Variants in GABRB3 observed in about 807,000 individuals in gnomAD.
The protein encoded by GABRB3 is gamma-aminobutyric acid type A receptor subunit beta3, also known as gamma-aminobutyric acid receptor subunit beta-3.
In GABRB3, 14 loss-of-function variants were observed where a neutral mutation model predicts 52.1. The observed-to-expected ratio is 0.27, with a 90% CI of 0.18 to 0.42. The LOEUF (loss-of-function observed/expected upper bound fraction) is 0.42. Among genes scored for constraint, GABRB3 ranks in the 10% least tolerant of loss-of-function variants. The probability of loss-of-function intolerance (pLI) is 1.00; values close to 1 mark genes in which losing one functional copy is unlikely to be tolerated. For missense variants in GABRB3, 307 were observed against 609.1 expected, an observed-to-expected ratio of 0.50 and a Z score of 5.22; for synonymous variants, 260 against 232.3, an observed-to-expected ratio of 1.12 and a Z score of -1.08.
intron 4 of GABRB3, among the ~76,000 whole-genome samples, chr15:26,587,428 A>AAG (rs964282630): frequency 2.8e-4 from 42 of 152,158 alleles, no homozygotes; most frequent in Admixed American, 2.7e-3. Flanking sequence ...AAAAGGCAAA[A>AAG]AGAGAGAGAG....
At chr15:26,675,893 G>A (rs763433111) in intron 3 of GABRB3, among the ~76,000 whole-genome samples, 6 of 152,188 alleles carry the variant, frequency 3.9e-5, no homozygotes, top group Non-Finnish European at 8.8e-5. Context: ...GGTTCTGGTC[G>A]AAATGATTTC....
intron 3 of GABRB3, among the ~76,000 whole-genome samples, chr15:26,748,293 A>G (rs1275167215): frequency 2.6e-5 from 4 of 152,144 alleles, no homozygotes; most frequent in Non-Finnish European, 2.9e-5. Context: ...ACAGCTAGTA[A>G]TAATTCTTCT....
At chr15:26,756,003 G>C (rs1399333830) in intron 3 of GABRB3, among the ~76,000 whole-genome samples, 1 of 151,886 alleles carries the variant, frequency 6.6e-6, no homozygotes, top group African/African-American at 2.4e-5. Context: ...TAGCACAAGA[G>C]TATCTATAAT....
chr15:26,554,983 T>C (rs1026301377), intron 8 of GABRB3, among the ~76,000 whole-genome samples: 1 of 151,938 alleles, frequency 6.6e-6, no homozygotes, highest in Non-Finnish European at 1.5e-5. Flanking sequence ...ATCAAGATCA[T>C]CCTGGCCAAC....
chr15:26,713,319 G>A (rs1889363131), intron 3 of GABRB3, among the ~76,000 whole-genome samples: 1 of 152,196 alleles, frequency 6.6e-6, no homozygotes, highest in South Asian at 2.1e-4. Context: ...CATGGTGTGA[G>A]GCCGTCTGCT....
intron 3 of GABRB3, among the ~76,000 whole-genome samples, chr15:26,762,649 T>C (rs984052928): frequency 6.6e-6 from 1 of 152,250 alleles, no homozygotes; most frequent in Non-Finnish European, 1.5e-5. Context: ...ACCTATTTTA[T>C]GTGTTGGCCA....
At chr15:26,661,759 A>T (rs567856130) in intron 3 of GABRB3, among the ~76,000 whole-genome samples, 8 of 152,294 alleles carry the variant, frequency 5.3e-5, no homozygotes, top group African/African-American at 1.7e-4. Context: ...CCCACCAGAA[A>T]GAGCCCAGCT....
At chr15:26,696,430 C>T (rs1226607478) in intron 3 of GABRB3, among the ~76,000 whole-genome samples, 7 of 151,434 alleles carry the variant, frequency 4.6e-5, no homozygotes, top group South Asian at 2.1e-4. Flanking sequence ...GGCCCGATGA[C>T]GTAGAGCAGA....
chr15:26,662,347 A>G (rs1887578528), intron 3 of GABRB3, among the ~76,000 whole-genome samples: 1 of 152,164 alleles, frequency 6.6e-6, no homozygotes. Flanking sequence ...TTGGGCAGAA[A>G]AGAAGGTTTA....
At chr15:26,569,740 A>T (rs1890322740) in intron 6 of GABRB3, among the ~76,000 whole-genome samples, 1 of 152,246 alleles carries the variant, frequency 6.6e-6, no homozygotes, top group South Asian at 2.1e-4. Flanking sequence ...TGCCGCTGCC[A>T]CTATCAGCAG....
At chr15:26,750,029 T>C (rs745390778) in intron 3 of GABRB3, 4 of 152,206 alleles carry the variant, frequency 2.6e-5, no homozygotes, top group Non-Finnish European at 5.9e-5. Context: ...TTGGCCAGAA[T>C]TGGAAATCTG....
At chr15:26,602,296 C>G (rs1454783621) in intron 4 of GABRB3, among the ~76,000 whole-genome samples, 2 of 152,136 alleles carry the variant, frequency 1.3e-5, no homozygotes, top group Non-Finnish European at 2.9e-5. Flanking sequence ...AGATAGGCGT[C>G]CTTACAGAAA....
intron 6 of GABRB3, among the ~76,000 whole-genome samples, chr15:26,577,468 G>T (rs533459419): frequency 6.6e-6 from 1 of 152,052 alleles, no homozygotes; most frequent in African/African-American, 2.4e-5. Context: ...AGAGGAAATC[G>T]TGCCACTGCA....
chr15:26,649,002 C>T (rs1322120181), intron 3 of GABRB3, among the ~76,000 whole-genome samples: 1 of 151,730 alleles, frequency 6.6e-6, no homozygotes, highest in Non-Finnish European at 1.5e-5. Context: ...CAGCAAAGAG[C>T]TAAGAGATGA....
At chr15:26,656,793 C>T (rs1337840240) in intron 3 of GABRB3, among the ~76,000 whole-genome samples, 1 of 152,172 alleles carries the variant, frequency 6.6e-6, no homozygotes, top group Non-Finnish European at 1.5e-5. Context: ...GTGTCTTCCA[C>T]GAAACAGATG....
chr15:26,600,589 T>A (rs554368354), intron 4 of GABRB3, among the ~76,000 whole-genome samples: 11 of 152,110 alleles, frequency 7.2e-5, no homozygotes, highest in Non-Finnish European at 1.5e-4. Flanking sequence ...TTCAAAATGA[T>A]AAAGGAAGAA....
chr15:26,681,265 T>G (rs1299798207), intron 3 of GABRB3, among the ~76,000 whole-genome samples: 5 of 152,184 alleles, frequency 3.3e-5, no homozygotes, highest in Non-Finnish European at 7.4e-5. Context: ...TAATTTGCCT[T>G]CCATCTCCTT....
chr15:26,691,686 T>G (rs1042577832), intron 3 of GABRB3, among the ~76,000 whole-genome samples: 2 of 152,060 alleles, frequency 1.3e-5, no homozygotes, highest in Non-Finnish European at 2.9e-5. Flanking sequence ...TCCCTGGGGG[T>G]TCTTCTATAC....
chr15:26,652,552 A>G (rs1487061491), intron 3 of GABRB3, among the ~76,000 whole-genome samples: 1 of 152,218 alleles, frequency 6.6e-6, no homozygotes, highest in African/African-American at 2.4e-5. Context: ...CCATCAAAAC[A>G]TAAATGTGTC....
Sources: allele counts gnomAD v4.1 joint callset (sites outside exome capture counted in the v4.1 genomes callset), GRCh38; gene constraint gnomAD v4.1.1; transcripts MANE v1.5; gene names NCBI Gene and HGNC (gene_info 2026-07-23, HGNC 2026-07-21).